TMEM132D: variants seen among roughly 807,000 people sequenced by gnomAD.
TMEM132D encodes transmembrane protein 132D.
In TMEM132D, 21 loss-of-function variants were observed where a neutral mutation model predicts 62.3. The ratio of observed to expected loss-of-function variants is 0.34; its 90% confidence interval spans 0.24 to 0.49. TMEM132D has a LOEUF of 0.49. TMEM132D is among the 20% of genes least tolerant of loss of function. The pLI is 0.99. For missense variants in TMEM132D, 1,346 were observed against 1,402.8 expected, an observed-to-expected ratio of 0.96 and a Z score of 0.65; for synonymous variants, 621 against 575.6, an observed-to-expected ratio of 1.08 and a Z score of -1.13.
chr12:129,180,724 C>T (rs954863459), intron 5 of TMEM132D, among the ~76,000 whole-genome samples: 1 of 152,180 alleles, frequency 6.6e-6, no homozygotes, highest in Non-Finnish European at 1.5e-5. Flanking sequence ...GCAGGAAGAA[C>T]CTTCCAGACA....
chr12:129,300,102 G>T (rs1261260925), intron 4 of TMEM132D, among the ~76,000 whole-genome samples: 1 of 152,196 alleles, frequency 6.6e-6, no homozygotes, highest in East Asian at 1.9e-4. Flanking sequence ...TGGAATGGTG[G>T]CTGTTCTAAT....
intron 1 of TMEM132D, among the ~76,000 whole-genome samples, chr12:129,870,433 T>G (rs751783655): frequency 6.6e-6 from 1 of 152,174 alleles, no homozygotes; most frequent in Non-Finnish European, 1.5e-5. Flanking sequence ...TCGACTGCCC[T>G]TACATAATGA....
chr12:129,342,902 C>A (rs574638107), intron 3 of TMEM132D, among the ~76,000 whole-genome samples: 1 of 152,044 alleles, frequency 6.6e-6, no homozygotes, highest in Non-Finnish European at 1.5e-5. Context: ...GTTAGAATGG[C>A]GATCATTAGA....
intron 5 of TMEM132D, among the ~76,000 whole-genome samples, chr12:129,164,903 C>A (rs890144575): frequency 1.9e-4 from 29 of 152,270 alleles, no homozygotes; most frequent in Admixed American, 1.8e-3. Context: ...TACTAGAGAA[C>A]AATCAAAACA....
intron 5 of TMEM132D, among the ~76,000 whole-genome samples, chr12:129,154,659 T>C (rs1247967840): frequency 6.6e-6 from 1 of 152,254 alleles, no homozygotes; most frequent in African/African-American, 2.4e-5. Flanking sequence ...TATCTATATC[T>C]GGTTCAGTAA....
chr12:129,397,819 A>G (rs780402857), intron 3 of TMEM132D, among the ~76,000 whole-genome samples: 60 of 152,214 alleles, frequency 3.9e-4, no homozygotes, highest in Non-Finnish European at 6.6e-4. Flanking sequence ...CACTGGCTGC[A>G]CTGAACTCTA....
intron 2 of TMEM132D, among the ~76,000 whole-genome samples, chr12:129,566,025 T>C (rs2137116326): frequency 6.6e-6 from 1 of 152,348 alleles, no homozygotes; most frequent in Non-Finnish European, 1.5e-5. Context: ...TACCGCACAC[T>C]GAATTCCTAT....
intron 2 of TMEM132D, among the ~76,000 whole-genome samples, chr12:129,539,075 T>C (rs1216630701): frequency 6.6e-6 from 1 of 152,022 alleles, no homozygotes. Flanking sequence ...GAAGAGACCA[T>C]GTGGGTGACA....
intron 2 of TMEM132D, among the ~76,000 whole-genome samples, chr12:129,557,362 T>C (rs1055234861): frequency 3.3e-5 from 5 of 151,914 alleles, no homozygotes; most frequent in African/African-American, 9.7e-5. Flanking sequence ...GTGTGGGAAA[T>C]GAGAGAAATG....
intron 2 of TMEM132D, among the ~76,000 whole-genome samples, chr12:129,566,137 G>T (rs767360614): frequency 6.6e-6 from 1 of 152,130 alleles, no homozygotes; most frequent in Non-Finnish European, 1.5e-5. Flanking sequence ...AGAAATTATG[G>T]TTATTTTGAT....
At chr12:129,617,599 C>A (rs895530359) in intron 2 of TMEM132D, among the ~76,000 whole-genome samples, 1 of 152,084 alleles carries the variant, frequency 6.6e-6, no homozygotes, top group Non-Finnish European at 1.5e-5. Context: ...CAGTGCGGTT[C>A]TATTTGTTGA....
At chr12:129,899,204 G>GATGT (rs1430432968) in intron 1 of TMEM132D, among the ~76,000 whole-genome samples, 1 of 150,442 alleles carries the variant, frequency 6.6e-6, no homozygotes, top group African/African-American at 2.5e-5. Flanking sequence ...TGAATGAATG[G>GATGT]ATGGATGGGC....
intron 1 of TMEM132D, among the ~76,000 whole-genome samples, chr12:129,819,146 G>T (rs1461467029): frequency 6.6e-6 from 1 of 152,062 alleles, no homozygotes; most frequent in African/African-American, 2.4e-5. Flanking sequence ...GAAAACATAG[G>T]TTCATGCTGC....
At chr12:129,615,715 T>C (rs929179639) in intron 2 of TMEM132D, among the ~76,000 whole-genome samples, 2 of 151,250 alleles carry the variant, frequency 1.3e-5, no homozygotes, top group African/African-American at 4.9e-5. Flanking sequence ...GAGGCTGCCG[T>C]GGGTTGTGAT....
At chr12:129,153,414 T>G (rs1877136103) in intron 5 of TMEM132D, among the ~76,000 whole-genome samples, 1 of 151,746 alleles carries the variant, frequency 6.6e-6, no homozygotes, top group African/African-American at 2.4e-5. Flanking sequence ...ATAAATGCTC[T>G]GAAGGTTTTG....
intron 1 of TMEM132D, among the ~76,000 whole-genome samples, chr12:129,752,417 C>T (rs544993282): frequency 1.3e-5 from 2 of 152,292 alleles, no homozygotes; most frequent in East Asian, 1.9e-4. Flanking sequence ...GCAGGAATTT[C>T]TAAAGAAAGC....
At chr12:129,824,499 G>A (rs774633971) in intron 1 of TMEM132D, among the ~76,000 whole-genome samples, 3 of 152,134 alleles carry the variant, frequency 2.0e-5, no homozygotes, top group Non-Finnish European at 2.9e-5. Context: ...GATTCAGGAG[G>A]TGAAGCACTT....
intron 1 of TMEM132D, among the ~76,000 whole-genome samples, chr12:129,801,440 C>G (rs923793318): frequency 6.6e-6 from 1 of 151,760 alleles, no homozygotes; most frequent in Non-Finnish European, 1.5e-5. Context: ...TGACACCTCA[C>G]ACGGCAGGGT....
chr12:129,428,018 T>TA (rs1872547575), intron 3 of TMEM132D, among the ~76,000 whole-genome samples: 1 of 152,110 alleles, frequency 6.6e-6, no homozygotes, highest in Non-Finnish European at 1.5e-5. Context: ...TAAAAATTCA[T>TA]ATATAATAAT....
Sources: allele counts gnomAD v4.1 joint callset (sites outside exome capture counted in the v4.1 genomes callset), GRCh38; gene constraint gnomAD v4.1.1; transcripts MANE v1.5; gene names NCBI Gene and HGNC (gene_info 2026-07-23, HGNC 2026-07-21).